Variants in RBM10 observed in about 807,000 individuals in gnomAD.
RBM10 encodes the protein RNA binding motif protein 10.
RBM10 carries 1 observed loss-of-function variant against 84.9 expected under a neutral mutation model. The ratio of observed to expected loss-of-function variants is 0.01; its 90% CI spans 0.00 to 0.06. The LOEUF is 0.06. Ranked by LOEUF, RBM10 falls within the 10% of genes least tolerant of loss-of-function variation. The probability of loss-of-function intolerance (pLI) is 1.00; values close to 1 mark genes in which losing one functional copy is unlikely to be tolerated. For missense variants in RBM10, 438 were observed against 839.0 expected, an observed-to-expected ratio of 0.52 and a Z score of 5.90; for synonymous variants, 326 against 344.5, an observed-to-expected ratio of 0.95 and a Z score of 0.60.
At chrX:47,166,706 C>A (rs1480523189) in intron 2 of RBM10, among the ~76,000 whole-genome samples, 1 of 109,546 alleles carries the variant, frequency 9.1e-6, no homozygotes, top group East Asian at 2.8e-4. Flanking sequence ...GTCTTGGCCT[C>A]GAGCAATCCT....
intron 2 of RBM10, among the ~76,000 whole-genome samples, chrX:47,160,834 C>T (rs1441822433): frequency 8.9e-6 from 1 of 112,236 alleles, no homozygotes; most frequent in Non-Finnish European, 1.9e-5. Flanking sequence ...TGTGAAGGAT[C>T]AGATAGTAAA....
chrX:47,169,912 G>A (rs1934517521), intron 3 of RBM10, among the ~76,000 whole-genome samples: 1 of 112,552 alleles, frequency 8.9e-6, no homozygotes. Context: ...GCTCTGGGAG[G>A]CCAGCCATGG....
chrX:47,182,693 A>G (rs782370410), intron 17 of RBM10, among the ~76,000 whole-genome samples: 69 of 112,312 alleles, frequency 6.1e-4, no homozygotes, highest in Admixed American at 1.1e-3. Flanking sequence ...AAGCCCTGCA[A>G]TGTTTTGTGG....
rs1935425299 is a variant in RBM10 at position 47,180,271 on chromosome X, C to A, written c.1122C>A (p.Gly374=). ...QALHPPLTID[G]KTINVEFAKG... ...TGCACCCACCACTCACTATCGACGG[C>A]AAGACCATCAATGTTGAGTTTGCCA... The change falls in exon 11 of 24, where the codon GGC becomes GGA. Residue 374 remains glycine, a synonymous_variant. Coordinates refer to ENST00000377604, the MANE Select transcript of RBM10 (RefSeq NM_005676.5). 1 of 1,204,295 alleles carries A rather than the reference C, an allele frequency of 8.3e-7. No individual in the cohort carries two copies. Among genetic ancestry groups the A allele is most frequent in the Non-Finnish European group, 1.1e-6 (1 of 891,385 alleles).
intron 7 of RBM10, among the ~76,000 whole-genome samples, chrX:47,176,803 A>T (rs1452362481): frequency 9.1e-6 from 1 of 109,752 alleles, no homozygotes; most frequent in Non-Finnish European, 1.9e-5. Flanking sequence ...AGCCATATAC[A>T]AATGTGTAGT....
chrX:47,145,948 G>T (rs987087437), intron 1 of RBM10, among the ~76,000 whole-genome samples: 1 of 105,626 alleles, frequency 9.5e-6, no homozygotes, highest in Admixed American at 1.0e-4. Context: ...TACCCTTTGA[G>T]GGGGGGCGGT....
chrX:47,171,068 G>A lies in RBM10; in HGVS notation c.242G>A (p.Arg81Lys). Residue 81 changes from arginine to lysine, a missense_variant, in exon 4 of 24, where the codon AGG (arginine) becomes AAG (lysine). Arg to Lys is a conservative substitution (Grantham distance 26, BLOSUM62 2). Around this residue, in one of 8 missense-constraint regions of RBM10, gnomAD observed 92 missense variants for 134.3 expected, o/e 0.69. Transcript: ENST00000377604. ...TCCCCGGGCTCCGAGACTCAGCGTA[G>A]GCGGCGGCGGCGGCACAGGCACAGC... Reference protein sequence around the residue: ...EASPGSETQRRRRRRHRHSPT... With the variant: ...EASPGSETQRKRRRRHRHSPT... 1.7e-6 allele frequency: 2 copies of A among 1,204,212 alleles called. No individual in the cohort carries two copies. Among genetic ancestry groups the A allele is most frequent in the Non-Finnish European group, 2.2e-6 (2 of 890,178 alleles).
rs1556778418 is a variant in RBM10, at chrX:47,180,268, C to T, written c.1119C>T (p.Asp373=). ...LQALHPPLTI[D]GKTINVEFAK... ...CCCTGCACCCACCACTCACTATCGA[C>T]GGCAAGACCATCAATGTTGAGTTTG... is the stretch of plus-strand genomic sequence containing the variant. The change falls in exon 11 of 24, where the codon GAC becomes GAT. Residue 373 remains aspartate (D), a synonymous_variant. Transcript: ENST00000377604. 1 of 1,205,032 alleles carries T rather than the reference C, an allele frequency of 8.3e-7. No homozygotes were observed. Among genetic ancestry groups the T allele is most frequent in the Non-Finnish European group, 1.1e-6 (1 of 891,828 alleles).
chrX:47,175,837 C>T (rs1935094787), intron 6 of RBM10, among the ~76,000 whole-genome samples: 1 of 110,039 alleles, frequency 9.1e-6, no homozygotes, highest in Non-Finnish European at 1.9e-5. Flanking sequence ...ACCCAAAGAT[C>T]TGCCTGGTCA....
chrX:47,185,735 G>A lies in RBM10; in HGVS notation c.2375G>A (p.Arg792Gln), dbSNP rs782351435. The A allele has an allele frequency of 4.1e-6, 5 of 1,210,075 alleles. No homozygotes were observed. The highest frequency in any genetic ancestry group is 5.6e-6 in the Non-Finnish European group (5 of 895,149). Residue 792 changes from arginine (R) to glutamine (Q), a missense_variant, in exon 21 of 24, where the codon CGG becomes CAG. Coordinates refer to ENST00000377604, the MANE Select transcript of RBM10 (RefSeq NM_005676.5). The part of the protein sequence containing the change: ...GLHKQNLEIH[R>Q]RAHLSENELE... ...TTGCAGCAAAACCTTGAGATTCACC[G>A]GCGAGCCCACTTGTCAGAAAACGAG...
Position 47,185,392 on chromosome X carries a change from C to T in RBM10, c.2166+25C>T, listed in dbSNP as rs191814164. 112 of 1,182,449 alleles carry T rather than the reference C, an allele frequency of 9.5e-5. No homozygotes were observed. The East Asian group carries it at 3.3e-3, about 35-fold the overall frequency. ...AGTGAGTGCCCAAGGCAGAGAGGGG[C>T]GGGGGCTCTGATCTGGCCAGGCCTG... is the stretch of plus-strand genomic sequence containing the variant. On this transcript the variant is annotated intron_variant, in intron 19 of 23. Transcript: ENST00000377604.
At chrX:47,152,949 C>T (rs1399934766) in intron 2 of RBM10, among the ~76,000 whole-genome samples, 1 of 111,288 alleles carries the variant, frequency 9.0e-6, no homozygotes, top group Admixed American at 9.6e-5. Context: ...TGCATTCAAG[C>T]GATTCTCCTG....
chrX:47,181,595 C>T lies in RBM10; in HGVS notation c.1524C>T (p.Tyr508=), dbSNP rs2147189275. The change falls in exon 14 of 24, where the codon TAC becomes TAT. Residue 508 remains tyrosine, a synonymous_variant. Transcript: ENST00000377604. The part of the protein sequence containing the change: ...RAQPGAAPGI[Y]QQSAEASSSQ... ...AGCCTGGTGCTGCTCCTGGCATCTA[C>T]CAACAATCAGCCGAGGCGAGCAGTA... The T allele has an allele frequency of 5.0e-6, 6 of 1,208,647 alleles. No individual in the cohort carries two copies. The highest frequency in any genetic ancestry group is 2.2e-5 in the Admixed American group (1 of 45,849).
Position 47,179,453 on chromosome X carries a change from C to A in RBM10, c.859C>A (p.Leu287Met). 8.3e-7 allele frequency: 1 copy of A among 1,203,700 alleles called. No individual in the cohort carries two copies. ...CCAGGGAGTCCTGGCCTCCCAAGCC[C>A]TGTCACAGGGCTCGGAGCCAAGCTC... is the stretch of plus-strand genomic sequence containing the variant. ...QAQGVLASQA[L>M]SQGSEPSSEN... The change falls in exon 9 of 24, where the codon CTG (leucine) becomes ATG (methionine). Residue 287 changes from leucine (L) to methionine (M), a missense_variant. Around this residue, in one of 8 missense-constraint regions of RBM10, gnomAD observed 36 missense variants for 45.3 expected, o/e 0.79. Coordinates refer to ENST00000377604, the MANE Select transcript of RBM10 (RefSeq NM_005676.5).
At position 47,158,830 on chromosome X, in the gene RBM10, C is replaced by A. The variant is rs984312138; in HGVS notation, c.18-10485C>A. On this transcript the variant is annotated intron_variant, in intron 2 of 23. Transcript: ENST00000377604. The stretch of plus-strand genomic sequence containing the variant: ...CAGCCCATGCCCCCCTTCCCACCTT[C>A]CCGGTCTAGTGATCCCCAATGTCTG... 2.7e-5 allele frequency among the ~76,000 whole-genome samples: 3 copies of A among 112,290 alleles called. No homozygotes were observed. In the Admixed American group the frequency reaches 2.8e-4, roughly 11 times the overall value.
intron 2 of RBM10, among the ~76,000 whole-genome samples, chrX:47,149,242 C>G (rs1322650869): frequency 9.0e-6 from 1 of 111,093 alleles, no homozygotes; most frequent in Admixed American, 9.5e-5. Context: ...AGGCTGGTCT[C>G]AAACTCCTGG....
chrX:47,167,670 A>G (rs1285668877), intron 2 of RBM10, among the ~76,000 whole-genome samples: 2 of 112,443 alleles, frequency 1.8e-5, no homozygotes, highest in Non-Finnish European at 3.8e-5. Flanking sequence ...TTATGTTTAA[A>G]TCTTTGATCT....
chrX:47,173,202 G>A lies in RBM10; in HGVS notation c.502+5G>A. On this transcript the variant is annotated splice_donor_5th_base_variant and intron_variant, in intron 5 of 23. Transcript: ENST00000377604. ...TGATGCGGAACAAATCTTCAGGTGA[G>A]CTTTTGTTCTAGTGCCCTCCCCTTC... is the stretch of plus-strand genomic sequence containing the variant. 8.3e-7 allele frequency: 1 copy of A among 1,212,001 alleles called. No individual in the cohort carries two copies. The highest frequency in any genetic ancestry group is 2.2e-5 in the Admixed American group (1 of 46,098).
chrX:47,173,043 C>T lies in RBM10; in HGVS notation c.433-85C>T, dbSNP rs1331267101. On this transcript the variant is annotated intron_variant, in intron 4 of 23. Coordinates refer to ENST00000377604, the MANE Select transcript of RBM10 (RefSeq NM_005676.5). ...TGTGTGCACATCACCGATGACCCCT[C>T]GGGATCCAGAGGCCTCCAGCCAGCC... The T allele has an allele frequency of 3.2e-5, 38 of 1,201,789 alleles. No individual in the cohort carries two copies. The Admixed American group carries it at 6.7e-4, about 21-fold the overall frequency.
Sources: allele counts gnomAD v4.1 joint callset (sites outside exome capture counted in the v4.1 genomes callset), GRCh38; gene constraint gnomAD v4.1.1; regional missense constraint gnomAD v4.1.1; transcripts MANE v1.5; gene names NCBI Gene and HGNC (gene_info 2026-07-23, HGNC 2026-07-21).